The following ARSG variants were observed in gnomAD, a reference collection of about 807,000 sequenced individuals.
The protein encoded by ARSG is arylsulfatase G, also known as ASG.
ARSG carries 37 observed loss-of-function variants against 50.5 expected under a neutral mutation model. The observed-to-expected ratio is 0.73, with a 90% CI of 0.56 to 0.96. The LOEUF is 0.96. ARSG is among the 50% of genes least tolerant of loss of function. ARSG has a pLI of 0.00. For missense variants in ARSG, 629 were observed against 675.3 expected (o/e 0.93, Z 0.76); for synonymous variants, 225 against 254.6 (o/e 0.88, Z 1.11).
rs370174275 is a variant in ARSG, at chr17:68,419,437, G to A, written c.1304-752G>A. On this transcript the variant is annotated intron_variant, in intron 11 of 11. Coordinates refer to ENST00000621439, the MANE Select transcript of ARSG (RefSeq NM_001267727.2). ...CTAAAAATACAAAAATTAGCCGAGCGTGGTGGCAGGTGCCTGTGATCCCAG... is the reference window on the plus strand; with the variant it reads ...CTAAAAATACAAAAATTAGCCGAGCATGGTGGCAGGTGCCTGTGATCCCAG... Among the ~76,000 whole-genome samples the A allele has an allele frequency of 4.6e-5, 7 of 152,186 alleles. No homozygotes were observed. In the East Asian group the frequency reaches 7.7e-4, roughly 17 times the overall value.
At chr17:68,436,165 T>G in the ARSG span, among the ~76,000 whole-genome samples, 1 of 152,368 alleles carries the variant, frequency 6.6e-6, no homozygotes, top group East Asian at 1.9e-4. Flanking sequence ...TTCATTATGC[T>G]GCAGATGTCT....
chr17:68,366,368 T>C (rs993808707), intron 6 of ARSG, among the ~76,000 whole-genome samples: 5 of 152,118 alleles, frequency 3.3e-5, no homozygotes, highest in African/African-American at 1.2e-4. Flanking sequence ...CACTGCAATA[T>C]GGAATCTACC....
rs758878406 is a variant in ARSG at position 68,383,609 on chromosome 17, C to T, written c.983-1455C>T. ...CAAAGCCCTGGCACATGCCTTTGAG[C>T]GGATGCTTCCTCCCTGCCCTTTGGC... On this transcript the variant is annotated intron_variant, in intron 8 of 11. Transcript: ENST00000621439. Among the ~76,000 whole-genome samples, 70 of 152,254 alleles carry T rather than the reference C, an allele frequency of 4.6e-4. 1 individual carries two copies. Among genetic ancestry groups the T allele is most frequent in the Admixed American group, 2.6e-3 (40 of 15,286 alleles).
At position 68,271,418 on chromosome 17, in the gene ARSG, G is replaced by A; in HGVS notation, c.-552+11992G>A. The A allele has an allele frequency of 1.2e-6, 2 of 1,614,224 alleles. No homozygotes were observed. Among genetic ancestry groups the A allele is most frequent in the Non-Finnish European group, 1.7e-6 (2 of 1,180,048 alleles). ...TTAGTGTGAGTAGGCACATTTTTAGGTGAGGTAGTTAGTTCTACTCCTGAG... is the reference window on the plus strand; with the variant it reads ...TTAGTGTGAGTAGGCACATTTTTAGATGAGGTAGTTAGTTCTACTCCTGAG... On this transcript the variant is annotated intron_variant, in intron 1 of 11. Coordinates refer to the ARSG transcript ENST00000448504. The surrounding 1 kb of genome is among the most constrained non-coding windows in gnomAD (Gnocchi z 5.3).
intron 2 of ARSG, among the ~76,000 whole-genome samples, chr17:68,310,629 C>T (rs537479466): frequency 7.6e-4 from 116 of 152,350 alleles, no homozygotes; most frequent in African/African-American, 2.6e-3. Flanking sequence ...CTGGGCGAAA[C>T]TCCTCCATGT....
At chr17:68,307,823 T>G in intron 2 of ARSG, 112 bp downstream of exon 2, 1 of 635,632 alleles carries the variant, frequency 1.6e-6, no homozygotes, top group Admixed American at 3.0e-5. Context: ...CCATGCTGAT[T>G]TAGTTAATTT....
At chr17:68,342,837 G>A (rs1434032286) in intron 2 of ARSG, among the ~76,000 whole-genome samples, 1 of 152,122 alleles carries the variant, frequency 6.6e-6, no homozygotes, top group East Asian at 1.9e-4. Flanking sequence ...TTTACAGTGC[G>A]ATATGAGAGC....
chr17:68,425,764 A>T (rs996367674), downstream of ARSG, among the ~76,000 whole-genome samples: 1 of 152,210 alleles, frequency 6.6e-6, no homozygotes, highest in African/African-American at 2.4e-5. Flanking sequence ...CCTTCCAGGC[A>T]GCAAAGTCAG....
chr17:68,308,293 G>A (rs2076686749), intron 2 of ARSG, among the ~76,000 whole-genome samples: 1 of 152,176 alleles, frequency 6.6e-6, no homozygotes, highest in African/African-American at 2.4e-5. Flanking sequence ...GAGTGTTACA[G>A]CTCTTAAGGT....
At chr17:68,384,942 T>C (rs1379122876) in intron 8 of ARSG, 122 bp from the exon 9 acceptor site, 2 of 713,242 alleles carry the variant, frequency 2.8e-6, no homozygotes, top group Non-Finnish European at 2.4e-6. Context: ...ACCAAAAAAG[T>C]CATTCCTTTG....
At chr17:68,434,677 G>A in the ARSG span, 1 of 1,588,696 alleles carries the variant, frequency 6.3e-7, no homozygotes, top group Non-Finnish European at 8.6e-7. Flanking sequence ...GCTTTACACA[G>A]AGATGTCCCT....
intron 10 of ARSG, among the ~76,000 whole-genome samples, chr17:68,397,231 A>G (rs1419704298): frequency 2.0e-5 from 3 of 152,190 alleles, no homozygotes; most frequent in South Asian, 2.1e-4. Context: ...AAGTCACAGC[A>G]TCGTCACGGG....
the ARSG span, among the ~76,000 whole-genome samples, chr17:68,438,067 A>C: frequency 6.6e-6 from 1 of 152,270 alleles, no homozygotes; most frequent in Non-Finnish European, 1.5e-5. Flanking sequence ...TACCTCAACT[A>C]ATCTGCTGAG....
intron 10 of ARSG, chr17:68,401,143 C>T: frequency 1.9e-6 from 1 of 522,470 alleles, no homozygotes; most frequent in Non-Finnish European, 3.5e-6. Flanking sequence ...CTCACCTCAG[C>T]TTCCAAGTAG....
chr17:68,443,374 A>G, the ARSG span, among the ~76,000 whole-genome samples: 1 of 152,126 alleles, frequency 6.6e-6, no homozygotes, highest in Non-Finnish European at 1.5e-5. Context: ...CGGCCTCCCA[A>G]TGTGCTGCGA....
Position 68,370,638 on chromosome 17 carries a change from T to C in ARSG, c.982+114T>C, listed in dbSNP as rs112689631. The C allele has an allele frequency of 2.4e-5, 22 of 905,854 alleles. No individual in the cohort carries two copies. The Admixed American group carries it at 2.8e-4, about 11-fold the overall frequency. 56.1% of individuals were successfully genotyped at this position (905,854 alleles called of 1,614,324 possible). On this transcript the variant is annotated intron_variant, in intron 8 of 11. Transcript: ENST00000621439. ...TTATATCTGGGCCTTAGGGTCATCA[T>C]TGTGAAACAGGGACACATTTGCTCA...
intron 11 of ARSG, chr17:68,414,200 C>T (rs1910073426): frequency 1.3e-5 from 2 of 152,108 alleles, no homozygotes; most frequent in South Asian, 2.1e-4. Flanking sequence ...CCTTGTATGC[C>T]GATTTTGCTG....
intron 2 of ARSG, among the ~76,000 whole-genome samples, chr17:68,343,144 C>A (rs1167419123): frequency 6.6e-6 from 1 of 151,970 alleles, no homozygotes; most frequent in Non-Finnish European, 1.5e-5. Context: ...ATCCTATTTC[C>A]TTTTTTTGTT....
intron 2 of ARSG, among the ~76,000 whole-genome samples, chr17:68,321,171 A>T (rs1250138827): frequency 3.3e-5 from 5 of 152,056 alleles, no homozygotes; most frequent in Non-Finnish European, 7.4e-5. Context: ...ACATAGCAAG[A>T]CCCCATCTCA....
Sources: allele counts gnomAD v4.1 joint callset (sites outside exome capture counted in the v4.1 genomes callset), GRCh38; gene constraint gnomAD v4.1.1; non-coding constraint Gnocchi (gnomAD v3.1); transcripts MANE v1.5; gene names NCBI Gene and HGNC (gene_info 2026-07-23, HGNC 2026-07-21).